The following MAF variants were observed in gnomAD, a reference collection of about 807,000 sequenced individuals.
MAF encodes the protein transcription factor Maf.
MAF carries 10 observed loss-of-function variants against 22.0 expected under a neutral mutation model. The ratio of observed to expected loss-of-function variants is 0.45; its 90% CI spans 0.28 to 0.77. The LOEUF (loss-of-function observed/expected upper bound fraction) is 0.77, where lower values mean the gene tolerates loss of function less well. Ranked by LOEUF, MAF falls within the 30% of genes least tolerant of loss-of-function variation. The pLI, the probability that MAF is intolerant of heterozygous loss-of-function variation, is 0.12. For missense variants in MAF, 544 were observed against 548.4 expected, an observed-to-expected ratio of 0.99 and a Z score of 0.08; for synonymous variants, 337 against 255.8, an observed-to-expected ratio of 1.32 and a Z score of -3.03.
chr16:79,485,335 G>C, the MAF span, among the ~76,000 whole-genome samples: 219 of 152,306 alleles, frequency 1.4e-3, no homozygotes, highest in African/African-American at 4.9e-3. Flanking sequence ...ATACGACAGC[G>C]ATTGGCACAC....
Position 79,600,028 on chromosome 16 carries a change from G to A in MAF, c.-126C>T, listed in dbSNP as rs1913914988. 1.5e-5 allele frequency: 20 copies of A among 1,369,714 alleles called. No homozygotes were observed. The highest frequency in any genetic ancestry group is 1.9e-5 in the Non-Finnish European group (19 of 1,002,048). 84.8% of individuals were successfully genotyped at this position (1,369,714 alleles called of 1,614,324 possible). ...CCGGGCTGGGGCGCTTCTAGCTTGC[G>A]CGGCGGTGGCTGGCCCGAAACCTCC... On this transcript the variant is annotated 5_prime_UTR_variant, in exon 1 of 2. Coordinates refer to ENST00000326043, the MANE Select transcript of MAF (RefSeq NM_005360.5).
the MAF span, among the ~76,000 whole-genome samples, chr16:79,443,703 C>T: frequency 6.6e-6 from 1 of 152,232 alleles, no homozygotes; most frequent in Non-Finnish European, 1.5e-5. Flanking sequence ...GCAAGACAGG[C>T]ATCCGACTTG....
chr16:79,236,951 A>AG, the MAF span, among the ~76,000 whole-genome samples: 5 of 151,330 alleles, frequency 3.3e-5, no homozygotes, highest in African/African-American at 1.2e-4. Flanking sequence ...TCGGAAAAAA[A>AG]AAAAAAAACT....
the MAF span, among the ~76,000 whole-genome samples, chr16:79,394,622 T>C: frequency 8.9e-4 from 136 of 152,256 alleles, no homozygotes; most frequent in Middle Eastern, 3.4e-3. Flanking sequence ...ACTTCCTTCA[T>C]AAGGGGTTTG....
chr16:79,259,473 C>T, the MAF span, among the ~76,000 whole-genome samples: 1 of 152,104 alleles, frequency 6.6e-6, no homozygotes, highest in Non-Finnish European at 1.5e-5. Context: ...ACTGTCTACT[C>T]CCCCACCACT....
the MAF span, among the ~76,000 whole-genome samples, chr16:79,271,594 T>C: frequency 6.6e-6 from 1 of 152,164 alleles, no homozygotes; most frequent in Non-Finnish European, 1.5e-5. Context: ...AACCCCTCAA[T>C]TGCTTATTTT....
chr16:79,358,421 T>G, the MAF span, among the ~76,000 whole-genome samples: 1 of 152,148 alleles, frequency 6.6e-6, no homozygotes, highest in African/African-American at 2.4e-5. Flanking sequence ...GCTGTGATTA[T>G]TTTTAATTTT....
the MAF span, among the ~76,000 whole-genome samples, chr16:79,563,904 T>G: frequency 6.6e-6 from 1 of 152,206 alleles, no homozygotes; most frequent in African/African-American, 2.4e-5. Context: ...TCATCCAAAC[T>G]CCTCAGGACA....
At chr16:79,271,902 C>T in the MAF span, among the ~76,000 whole-genome samples, 8 of 152,366 alleles carry the variant, frequency 5.3e-5, no homozygotes, top group South Asian at 1.2e-3. Flanking sequence ...ATCTCCCTGA[C>T]CCCTCTGCCT....
the MAF span, among the ~76,000 whole-genome samples, chr16:79,417,632 C>G: frequency 6.6e-6 from 1 of 152,090 alleles, no homozygotes; most frequent in Non-Finnish European, 1.5e-5. Flanking sequence ...CCAGCCCTAC[C>G]GAGCCTGCCT....
At chr16:79,519,680 T>C in the MAF span, among the ~76,000 whole-genome samples, 22 of 152,246 alleles carry the variant, frequency 1.4e-4, no homozygotes, top group African/African-American at 5.3e-4. Flanking sequence ...TGCTCTCGTA[T>C]ACCCAAGTAT....
chr16:79,599,761 G>C lies in MAF; in HGVS notation c.142C>G (p.Arg48Gly), dbSNP rs1481677921. The C allele has an allele frequency of 1.9e-6, 3 of 1,612,986 alleles. No homozygotes were observed. The highest frequency in any genetic ancestry group is 2.5e-6 in the Non-Finnish European group (3 of 1,179,912). ...GACAGCGAGCCCCCGGCGATGAGAC[G>C]GCCGCACTGGCTGATGATGCGGTCG... ...ETDRIISQCG[R>G]LIAGGSLSST... Residue 48 changes from arginine to glycine, a missense_variant, in exon 1 of 2, where the codon CGT (arginine) becomes GGT (glycine). Coordinates refer to ENST00000326043, the MANE Select transcript of MAF (RefSeq NM_005360.5).
the MAF span, among the ~76,000 whole-genome samples, chr16:79,576,350 T>C: frequency 6.6e-6 from 1 of 151,984 alleles, no homozygotes; most frequent in African/African-American, 2.4e-5. Context: ...TTCCATGTTC[T>C]TGGAAGTTTG....
At chr16:79,504,124 T>C in the MAF span, among the ~76,000 whole-genome samples, 2 of 152,314 alleles carry the variant, frequency 1.3e-5, no homozygotes, top group South Asian at 4.1e-4. Context: ...AGATGTGACT[T>C]TTCACCTTCT....
At chr16:79,321,778 G>C in the MAF span, among the ~76,000 whole-genome samples, 1 of 150,180 alleles carries the variant, frequency 6.7e-6, no homozygotes, top group Non-Finnish European at 1.5e-5. Flanking sequence ...AGCCTCCCTA[G>C]TAGCTGCGAC....
chr16:79,530,815 C>G, the MAF span, among the ~76,000 whole-genome samples: 1 of 152,102 alleles, frequency 6.6e-6, no homozygotes, highest in East Asian at 1.9e-4. Flanking sequence ...TAATTGTTAT[C>G]CTGGAGATAG....
At chr16:79,271,308 T>A in the MAF span, among the ~76,000 whole-genome samples, 1 of 6,868 alleles carries the variant, frequency 1.5e-4, no homozygotes, top group East Asian at 0.031. Flanking sequence ...ACAAGGCACA[T>A]AACCTCCATT....
chr16:79,489,330 C>T, the MAF span, among the ~76,000 whole-genome samples: 3,986 of 152,320 alleles, frequency 0.026, 85 homozygotes, highest in Non-Finnish European at 0.038. Context: ...TTCATCCATC[C>T]ACCCATTCAT....
the MAF span, among the ~76,000 whole-genome samples, chr16:79,465,444 T>A: frequency 6.6e-6 from 1 of 151,664 alleles, no homozygotes; most frequent in Non-Finnish European, 1.5e-5. Context: ...ATACAAAAAA[T>A]TAATTGGGTG....
Sources: gnomAD v4.1 joint callset for allele counts (sites outside exome capture counted in the v4.1 genomes callset) on GRCh38, gnomAD v4.1.1 for gene constraint, MANE v1.5 for transcripts, NCBI Gene and HGNC (gene_info 2026-07-23, HGNC 2026-07-21) for gene names.